VRK1: variants seen among roughly 807,000 people sequenced by gnomAD.
The protein encoded by VRK1 is serine/threonine-protein kinase VRK1.
Under a neutral mutation model 57.1 loss-of-function variants are expected in VRK1, and 33 were observed. The ratio of observed to expected loss-of-function variants is 0.58; its 90% CI spans 0.44 to 0.77. VRK1 has a LOEUF of 0.77. VRK1 is among the 30% of genes least tolerant of loss of function. The pLI, the probability that VRK1 is intolerant of heterozygous loss-of-function variation, is 0.00. For synonymous variants in VRK1, 137 were observed against 147.8 expected, an observed-to-expected ratio of 0.93 and a Z score of 0.53; for missense variants, 413 against 477.3, an observed-to-expected ratio of 0.87 and a Z score of 1.25.
Position 96,808,002 on chromosome 14 carries a change from C to CCTCTCTCCGTCTCTCTCTCTCT in VRK1, c.-6+10562_-6+10563insCGTCTCTCTCTCTCTCTCTCTC, listed in dbSNP as rs149250994. On this transcript the variant is annotated intron_variant, in intron 1 of 12. Transcript: ENST00000216639. ...GTCTCTCTCCCTCTCTCCCTCTCTC[C>CCTCTCTCCGTCTCTCTCTCTCT]CTCTCTCTCTCCCTCTGTGTGTGTG... 7.6e-4 allele frequency among the ~76,000 whole-genome samples: 90 copies of CCTCTCTCCGTCTCTCTCTCTCT among 118,098 alleles called. 2 individuals carry two copies. The highest frequency in any genetic ancestry group is 9.6e-4 in the Non-Finnish European group (55 of 57,148). 77.5% of individuals were successfully genotyped at this position (118,098 alleles called of 152,430 possible). A position where few individuals can be genotyped will look rare whatever the true frequency, so the allele number is the denominator to read the frequency against.
chr14:96,801,991 T>G (rs1296710782), intron 1 of VRK1, among the ~76,000 whole-genome samples: 8 of 152,212 alleles, frequency 5.3e-5, no homozygotes, highest in Admixed American at 5.2e-4. Context: ...ATGCATTTTT[T>G]TCTTAGAGGT....
At chr14:96,805,989 T>C (rs1043089666) in intron 1 of VRK1, among the ~76,000 whole-genome samples, 9 of 147,300 alleles carry the variant, frequency 6.1e-5, no homozygotes, top group East Asian at 1.9e-4. Context: ...TTTTTCTTTT[T>C]TTTTTTTTTT....
At chr14:96,818,833 C>G (rs1242402314) in intron 1 of VRK1, among the ~76,000 whole-genome samples, 2 of 152,090 alleles carry the variant, frequency 1.3e-5, no homozygotes, top group African/African-American at 4.8e-5. Context: ...CCTTACAGTT[C>G]TGTCTCAATC....
At chr14:96,801,817 C>G (rs1337798447) in intron 1 of VRK1, among the ~76,000 whole-genome samples, 4 of 151,970 alleles carry the variant, frequency 2.6e-5, no homozygotes, top group African/African-American at 7.3e-5. Flanking sequence ...GGAAGTGGGC[C>G]ATCTTAAAGG....
intron 3 of VRK1, among the ~76,000 whole-genome samples, chr14:96,845,396 C>T (rs977185376): frequency 3.3e-5 from 5 of 152,128 alleles, no homozygotes; most frequent in African/African-American, 7.2e-5. Context: ...TGTGCAAATA[C>T]GTTTTTGTGA....
chr14:96,822,221 G>C (rs1040913469), intron 1 of VRK1, among the ~76,000 whole-genome samples: 7 of 151,784 alleles, frequency 4.6e-5, no homozygotes, highest in Middle Eastern at 6.8e-3. Context: ...TTTTATTCTT[G>C]TCTTGTAGAA....
intron 1 of VRK1, among the ~76,000 whole-genome samples, chr14:96,816,918 T>TA (rs544675277): frequency 3.0e-4 from 45 of 152,322 alleles, no homozygotes; most frequent in Admixed American, 2.6e-3. Flanking sequence ...ACCCTTCTTA[T>TA]TAGATGACAT....
At chr14:96,847,964 A>G (rs564951753) in intron 5 of VRK1, among the ~76,000 whole-genome samples, 2 of 152,376 alleles carry the variant, frequency 1.3e-5, no homozygotes, top group Non-Finnish European at 2.9e-5. Context: ...ACTTTGGTTC[A>G]TAAGCAGCAC....
intron 3 of VRK1, among the ~76,000 whole-genome samples, chr14:96,843,734 A>T (rs1241715183): frequency 6.6e-6 from 1 of 152,192 alleles, no homozygotes; most frequent in African/African-American, 2.4e-5. Flanking sequence ...TATGTTAATA[A>T]AATTTTAGTT....
intron 1 of VRK1, among the ~76,000 whole-genome samples, chr14:96,811,021 C>T (rs1432904034): frequency 6.6e-6 from 1 of 151,984 alleles, no homozygotes; most frequent in East Asian, 1.9e-4. Flanking sequence ...CCTCCGCCTC[C>T]TGGGTTCAAG....
chr14:96,856,342 A>G (rs903125896), intron 9 of VRK1, 92 bp downstream of exon 9: 19 of 1,482,528 alleles, frequency 1.3e-5, no homozygotes, highest in Admixed American at 1.8e-5. Flanking sequence ...GTTTCAACTG[A>G]TACTGATATA....
intron 2 of VRK1, among the ~76,000 whole-genome samples, chr14:96,836,047 C>G (rs1197469118): frequency 6.6e-6 from 1 of 152,192 alleles, no homozygotes; most frequent in African/African-American, 2.4e-5. Flanking sequence ...TTATCTTCAT[C>G]CCTTTTGTCT....
chr14:96,832,863 G>A (rs966745838), intron 1 of VRK1, among the ~76,000 whole-genome samples: 5 of 152,136 alleles, frequency 3.3e-5, no homozygotes, highest in Admixed American at 2.0e-4. Context: ...CTTGGAGCCA[G>A]GTGGTCACCG....
intron 1 of VRK1, among the ~76,000 whole-genome samples, chr14:96,797,713 C>T (rs866165966): frequency 3.3e-5 from 5 of 152,192 alleles, no homozygotes; most frequent in African/African-American, 1.2e-4. Flanking sequence ...GGCCGGCCCC[C>T]ATCTGAGCTC....
intron 3 of VRK1, among the ~76,000 whole-genome samples, chr14:96,839,711 T>C (rs762350431): frequency 9.2e-5 from 14 of 152,214 alleles, no homozygotes; most frequent in Admixed American, 4.6e-4. Flanking sequence ...TAAAAATAAC[T>C]GGGTTGTTTT....
Position 96,846,086 on chromosome 14 carries a change from T to C in VRK1, c.217-9T>C, listed in dbSNP as rs529433051. 2.5e-6 allele frequency: 4 copies of C among 1,612,294 alleles called. No individual in the cohort carries two copies. Among genetic ancestry groups the C allele is most frequent in the Admixed American group, 1.7e-5 (1 of 60,006 alleles). ...TACTGCTAGTACTAATTAACTCTTA[T>C]ATTTTAAGGAACCCAGTGACAATGG... is the stretch of plus-strand genomic sequence containing the variant. On this transcript the variant is annotated splice_polypyrimidine_tract_variant and intron_variant, in intron 3 of 12. Transcript: ENST00000216639.
At position 96,881,350 on chromosome 14, in the gene VRK1, C is replaced by A; in HGVS notation, c.*142C>A. 1.4e-6 allele frequency: 1 copy of A among 724,542 alleles called. No homozygotes were observed. Among genetic ancestry groups the A allele is most frequent in the Non-Finnish European group, 2.2e-6 (1 of 453,030 alleles). The allele number at this position is 724,542 out of a possible 1,614,324, so 44.9% of individuals were successfully genotyped here. Reference sequence around the variant, plus strand: ...TACTCATGTGTTCAGAAAACATAAACTTTTTTTATAAAAATATTTTGTACA... The same window carrying A: ...TACTCATGTGTTCAGAAAACATAAAATTTTTTTATAAAAATATTTTGTACA... On this transcript the variant is annotated 3_prime_UTR_variant, in exon 13 of 13. Transcript: ENST00000216639.
chr14:96,858,148 CAGCCTTGACCTCCTGAGCTCAA>C (rs886858213), intron 10 of VRK1, among the ~76,000 whole-genome samples: 11 of 152,260 alleles, frequency 7.2e-5, no homozygotes, highest in South Asian at 2.1e-4. Flanking sequence ...CAGCTCACTG[CAGCCTTGACCTCCTGAGCTCAA>C]AGCCTTGACC....
chr14:96,801,490 C>G (rs1166469566), intron 1 of VRK1, among the ~76,000 whole-genome samples: 1 of 152,064 alleles, frequency 6.6e-6, no homozygotes, highest in Non-Finnish European at 1.5e-5. Flanking sequence ...TTTTTCACAT[C>G]TTATTGCAGT....
Sources: allele counts gnomAD v4.1 joint callset (sites outside exome capture counted in the v4.1 genomes callset), GRCh38; gene constraint gnomAD v4.1.1; transcripts MANE v1.5; gene names NCBI Gene and HGNC (gene_info 2026-07-23, HGNC 2026-07-21).